FIG4: variants seen among roughly 807,000 people sequenced by gnomAD.
FIG4 encodes the protein polyphosphoinositide phosphatase.
Under a neutral mutation model 118.6 loss-of-function variants are expected in FIG4, and 112 were observed. That is an observed-to-expected ratio of 0.94 (90% confidence interval 0.81 to 1.11). The LOEUF is 1.11. FIG4 is among the 50% of genes least tolerant of loss of function. The pLI is 0.00. For missense variants in FIG4, 969 were observed against 1,111.7 expected, an observed-to-expected ratio of 0.87 and a Z score of 1.83; for synonymous variants, 369 against 381.2, an observed-to-expected ratio of 0.97 and a Z score of 0.37.
intron 21 of FIG4, 97 bp downstream of exon 21, chr6:109,792,761 C>T (rs1583743343): frequency 3.0e-6 from 2 of 662,864 alleles, no homozygotes; most frequent in Non-Finnish European, 5.0e-6. Flanking sequence ...TTTTTGGAGA[C>T]AAGAGTCTTG....
intron 22 of FIG4, among the ~76,000 whole-genome samples, chr6:109,824,884 C>T (rs562949363): frequency 1.3e-5 from 2 of 152,276 alleles, no homozygotes; most frequent in Admixed American, 1.3e-4. Context: ...TCAGGTGAGG[C>T]TCCCAGAGGT....
chr6:109,763,472 T>G (rs1777174276), intron 12 of FIG4, among the ~76,000 whole-genome samples: 1 of 152,180 alleles, frequency 6.6e-6, no homozygotes, highest in Non-Finnish European at 1.5e-5. Flanking sequence ...TAAAAGGAAA[T>G]CTACAAAACC....
intron 13 of FIG4, 45 bp downstream of exon 13, chr6:109,764,027 T>C: frequency 8.1e-7 from 1 of 1,233,742 alleles, no homozygotes; most frequent in Non-Finnish European, 1.2e-6. Flanking sequence ...TCTGTATCCA[T>C]TGTGTACTGT....
chr6:109,820,177 G>A (rs1430877533), intron 22 of FIG4, among the ~76,000 whole-genome samples: 1 of 152,214 alleles, frequency 6.6e-6, no homozygotes, highest in African/African-American at 2.4e-5. Context: ...CCAGCAGCTT[G>A]TTAATAGTAA....
chr6:109,717,713 G>C (rs1341528499), intron 3 of FIG4, among the ~76,000 whole-genome samples: 3 of 152,148 alleles, frequency 2.0e-5, no homozygotes, highest in Non-Finnish European at 4.4e-5. Context: ...ACTCCAGTAA[G>C]GGTGACAGCA....
Position 109,763,855 on chromosome 6 carries a change from G to A in FIG4, c.1389-82G>A, listed in dbSNP as rs1463765840. 5.3e-6 allele frequency: 5 copies of A among 942,480 alleles called. No individual in the cohort carries two copies. The East Asian group carries it at 9.9e-5, about 19-fold the overall frequency. 58.4% of individuals were successfully genotyped at this position (942,480 alleles called of 1,614,324 possible). On this transcript the variant is annotated intron_variant, in intron 12 of 22. Coordinates refer to ENST00000230124, the MANE Select transcript of FIG4 (RefSeq NM_014845.6). ...TTCAGCTCTATTACTTTAATTCTAT[G>A]ATTCTTAACAAGGATCTGGTACTGA...
intron 10 of FIG4, among the ~76,000 whole-genome samples, chr6:109,751,931 G>A (rs1776716938): frequency 6.7e-6 from 1 of 148,552 alleles, no homozygotes; most frequent in Non-Finnish European, 1.5e-5. Flanking sequence ...CTGGTGTGCT[G>A]CACCCATTAA....
At chr6:109,699,954 T>G (rs1232724004) in intron 1 of FIG4, among the ~76,000 whole-genome samples, 1 of 152,230 alleles carries the variant, frequency 6.6e-6, no homozygotes, top group East Asian at 1.9e-4. Context: ...GGTGAGGACC[T>G]GCTGTGTCCA....
intron 10 of FIG4, among the ~76,000 whole-genome samples, chr6:109,758,766 A>T (rs1042637597): frequency 1.3e-5 from 2 of 151,094 alleles, no homozygotes; most frequent in African/African-American, 4.8e-5. Context: ...TTACAAGAAA[A>T]TACCCCATCA....
intron 1 of FIG4, among the ~76,000 whole-genome samples, chr6:109,698,843 A>G (rs1479432205): frequency 6.6e-6 from 1 of 152,196 alleles, no homozygotes; most frequent in Non-Finnish European, 1.5e-5. Flanking sequence ...CTACTTGATC[A>G]TGATTTATTA....
chr6:109,712,849 C>T lies in FIG4; in HGVS notation c.67-2229C>T, dbSNP rs536183531. Among the ~76,000 whole-genome samples the T allele has an allele frequency of 1.2e-3, 189 of 152,316 alleles. 1 individual carries two copies. The highest frequency in any genetic ancestry group is 4.3e-3 in the African/African-American group (178 of 41,570). On this transcript the variant is annotated intron_variant, in intron 1 of 22. Transcript: ENST00000230124. ...CAGAGTTCTTGCACTGGTTCTTTCT[C>T]ATCTTTGTGGGCTAATGTTTCTTCA...
intron 8 of FIG4, 149 bp downstream of exon 8, chr6:109,741,693 A>T: frequency 1.4e-6 from 1 of 696,632 alleles, no homozygotes; most frequent in Non-Finnish European, 2.6e-6. Context: ...TCAACAAGGG[A>T]TTGGTTCTAG....
chr6:109,750,362 G>A (rs958650126), intron 10 of FIG4, among the ~76,000 whole-genome samples: 1 of 152,206 alleles, frequency 6.6e-6, no homozygotes, highest in Admixed American at 6.5e-5. Flanking sequence ...GCAGCTGGAT[G>A]TGGTGGCTCA....
intron 22 of FIG4, among the ~76,000 whole-genome samples, chr6:109,821,994 C>G (rs780579845): frequency 3.0e-4 from 46 of 152,152 alleles, no homozygotes; most frequent in Non-Finnish European, 1.2e-4. Context: ...GAGCCATGAT[C>G]GCTCCATTGT....
At chr6:109,697,672 T>C (rs1245388004) in intron 1 of FIG4, among the ~76,000 whole-genome samples, 3 of 152,202 alleles carry the variant, frequency 2.0e-5, no homozygotes, top group Non-Finnish European at 2.9e-5. Flanking sequence ...CTGTTGAGTA[T>C]GGAAGGGGGC....
At chr6:109,818,453 G>T (rs527947349) in intron 22 of FIG4, among the ~76,000 whole-genome samples, 1 of 152,188 alleles carries the variant, frequency 6.6e-6, no homozygotes, top group East Asian at 1.9e-4. Flanking sequence ...GCCTGCCTCG[G>T]TCTCCCAAAG....
rs374715964 is a variant in FIG4 at position 109,710,709 on chromosome 6, C to T, written c.67-4369C>T. On this transcript the variant is annotated intron_variant, in intron 1 of 22. Transcript: ENST00000230124. ...GTTTCTTCTTGGTTCAGTCATGGGA[C>T]GGTGTATATGTCCAGGAATTTATCT... Among the ~76,000 whole-genome samples the T allele has an allele frequency of 2.5e-3, 382 of 152,054 alleles. 9 individuals are homozygous for T. In the South Asian group the frequency reaches 0.05, roughly 20 times the overall value.
intron 3 of FIG4, among the ~76,000 whole-genome samples, chr6:109,722,321 G>A (rs988567221): frequency 1.3e-5 from 2 of 151,704 alleles, no homozygotes; most frequent in Non-Finnish European, 2.9e-5. Flanking sequence ...TTTCGCAGTG[G>A]CATGGCCGAT....
intron 1 of FIG4, among the ~76,000 whole-genome samples, chr6:109,694,151 G>A (rs200185146): frequency 6.6e-6 from 1 of 152,088 alleles, no homozygotes; most frequent in Non-Finnish European, 1.5e-5. Flanking sequence ...AAAAAAATGA[G>A]GCAAAGATAA....
Sources: allele counts gnomAD v4.1 joint callset (sites outside exome capture counted in the v4.1 genomes callset), GRCh38; gene constraint gnomAD v4.1.1; transcripts MANE v1.5; gene names NCBI Gene and HGNC (gene_info 2026-07-23, HGNC 2026-07-21).